PRR14: variants seen among roughly 807,000 people sequenced by gnomAD.
PRR14 encodes proline-rich protein 14.
A neutral mutation model predicts 57.2 loss-of-function variants in PRR14; 33 were observed. The ratio of observed to expected loss-of-function variants is 0.58; its 90% CI spans 0.44 to 0.77. The LOEUF is 0.77. PRR14 is among the 30% of genes least tolerant of loss of function. PRR14 has a pLI of 0.00. For synonymous variants in PRR14, 303 were observed against 314.7 expected, an observed-to-expected ratio of 0.96 and a Z score of 0.39; for missense variants, 716 against 788.1, an observed-to-expected ratio of 0.91 and a Z score of 1.10.
Position 30,655,016 on chromosome 16 carries a change from C to G in PRR14, c.1046C>G (p.Pro349Arg). The change falls in exon 8 of 12, where the codon CCT becomes CGT. Residue 349 changes from proline to arginine, a missense_variant. Physicochemically the swap from Pro to Arg is moderately radical, Grantham distance 103. Coordinates refer to ENST00000300835, the MANE Select transcript of PRR14 (RefSeq NM_024031.5). The surrounding 1 kb of genome is among the most constrained non-coding windows in gnomAD (Gnocchi z 4.6). ...GGCCCAGGTACCTGCACCTGGCCAC[C>G]TGCTCCACCCCAACCAAGCCGACCA... ...PPGPGTCTWP[P>R]APPQPSRPRP... 1 of 1,610,400 alleles carries G rather than the reference C, an allele frequency of 6.2e-7. No homozygotes were observed.
intron 6 of PRR14, 100 bp downstream of exon 6, chr16:30,653,508 C>T: frequency 7.9e-7 from 1 of 1,262,202 alleles, no homozygotes; most frequent in Non-Finnish European, 1.2e-6. Context: ...CCAATCCTTC[C>T]TTGTGGCATC....
chr16:30,653,248 A>G lies in PRR14; in HGVS notation c.505-117A>G, dbSNP rs1047052176. 9 of 1,395,862 alleles carry G rather than the reference A, an allele frequency of 6.4e-6. No homozygotes were observed. The Admixed American group carries it at 7.2e-5, about 11-fold the overall frequency. 86.5% of individuals were successfully genotyped at this position (1,395,862 alleles called of 1,614,324 possible). A position where few individuals can be genotyped will look rare whatever the true frequency, so the allele number is the denominator to read the frequency against. ...GGCAGACACTGCCTGAGCAAAGACTATATAAAAACGTCTTTGGCGTGAACC... is the reference window on the plus strand; with the variant it reads ...GGCAGACACTGCCTGAGCAAAGACTGTATAAAAACGTCTTTGGCGTGAACC... On this transcript the variant is annotated intron_variant, in intron 5 of 11. Coordinates refer to ENST00000300835, the MANE Select transcript of PRR14 (RefSeq NM_024031.5).
At position 30,653,123 on chromosome 16, in the gene PRR14, G is replaced by A. The variant is rs766751318; in HGVS notation, c.504+20G>A. The A allele has an allele frequency of 3.2e-5, 50 of 1,574,090 alleles. No individual in the cohort carries two copies. The highest frequency in any genetic ancestry group is 1.2e-4 in the South Asian group (10 of 86,376). The stretch of plus-strand genomic sequence containing the variant: ...GCTGAGGTATGGGAACTGAGGGTAC[G>A]GATGTCAAGGGTTCTGCTGGGTTCC... On this transcript the variant is annotated intron_variant, in intron 5 of 11. Transcript: ENST00000300835.
At position 30,651,524 on chromosome 16, in the gene PRR14, A is replaced by G; in HGVS notation, c.-50-72A>G. On this transcript the variant is annotated intron_variant, in intron 1 of 11. Coordinates refer to ENST00000300835, the MANE Select transcript of PRR14 (RefSeq NM_024031.5). The surrounding 1 kb of genome is among the most constrained non-coding windows in gnomAD (Gnocchi z 5.0). ...CTGGGCTACGGGGAGCCGCGGGCGGACCATGAAGGGCGGAGCCCCAGGGAA... is the reference window on the plus strand; with the variant it reads ...CTGGGCTACGGGGAGCCGCGGGCGGGCCATGAAGGGCGGAGCCCCAGGGAA... The G allele has an allele frequency of 1.5e-6, 1 of 654,270 alleles. No individual in the cohort carries two copies. The highest frequency in any genetic ancestry group is 2.4e-6 in the Non-Finnish European group (1 of 416,658). 40.5% of individuals were successfully genotyped at this position (654,270 alleles called of 1,614,324 possible).
Position 30,651,607 on chromosome 16 carries a change from G to T in PRR14, c.-39G>T. 2 of 1,536,056 alleles carry T rather than the reference G, an allele frequency of 1.3e-6. No individual in the cohort carries two copies. Among genetic ancestry groups the T allele is most frequent in the East Asian group, 2.5e-5 (1 of 40,308 alleles). The stretch of plus-strand genomic sequence containing the variant: ...CCCCCTTACCCCAGGCCGCAGCCTG[G>T]GATTCCCCAGGGACCCCCCCGGAGC... On this transcript the variant is annotated 5_prime_UTR_variant, in exon 2 of 12. Transcript: ENST00000300835. This position sits in a 1 kb window ranked among gnomAD's most constrained non-coding sequence, Gnocchi z 5.0.
chr16:30,651,973 C>G lies in PRR14; in HGVS notation c.192+9C>G. On this transcript the variant is annotated intron_variant, in intron 3 of 11. Transcript: ENST00000300835. This position sits in a 1 kb window ranked among gnomAD's most constrained non-coding sequence, Gnocchi z 5.0. ...TCATGGCTGTTCACATGGTGAGCCC[C>G]CTGAACCAAGAGACTCTCTATTCCC... The G allele has an allele frequency of 6.6e-7, 1 of 1,524,584 alleles. No homozygotes were observed. The highest frequency in any genetic ancestry group is 8.8e-7 in the Non-Finnish European group (1 of 1,139,042). The allele number at this position is 1,524,584 out of a possible 1,614,324, so 94.4% of individuals were successfully genotyped here. A position where few individuals can be genotyped will look rare whatever the true frequency, so the allele number is the denominator to read the frequency against.
Position 30,654,792 on chromosome 16 carries a change from A to ACCCCCCCC in PRR14, c.827_828insCCCCCCCC (p.Ser277ProfsTer7). On this transcript the variant is annotated frameshift_variant, in exon 8 of 12. Coordinates refer to ENST00000300835, the MANE Select transcript of PRR14 (RefSeq NM_024031.5). LOFTEE classifies it high-confidence loss of function. ...CGCCCAACAAAACCCCACAGCCCCC[A>ACCCCCCCC]CCCCCGTCCCCCCCAATGAAGCTGG... The ACCCCCCCC allele has an allele frequency of 2.2e-6, 1 of 462,456 alleles. No homozygotes were observed. 28.6% of individuals were successfully genotyped at this position (462,456 alleles called of 1,614,324 possible).
chr16:30,651,552 G>T lies in PRR14; in HGVS notation c.-50-44G>T. On this transcript the variant is annotated intron_variant, in intron 1 of 11. Coordinates refer to ENST00000300835, the MANE Select transcript of PRR14 (RefSeq NM_024031.5). The surrounding 1 kb of genome is among the most constrained non-coding windows in gnomAD (Gnocchi z 5.0). ...ATGAAGGGCGGAGCCCCAGGGAAGG[G>T]GCCGGCCCTCACCCCCCGCTCCCCC... The T allele has an allele frequency of 1.2e-6, 1 of 826,376 alleles. No homozygotes were observed. Among genetic ancestry groups the T allele is most frequent in the South Asian group, 1.8e-5 (1 of 55,764 alleles). The allele number at this position is 826,376 out of a possible 1,614,324, so 51.2% of individuals were successfully genotyped here.
Position 30,655,680 on chromosome 16 carries a change from G to C in PRR14, c.1406+87G>C. On this transcript the variant is annotated intron_variant, in intron 10 of 11. Coordinates refer to ENST00000300835, the MANE Select transcript of PRR14 (RefSeq NM_024031.5). This position sits in a 1 kb window ranked among gnomAD's most constrained non-coding sequence, Gnocchi z 4.6. ...AAGTATAGCTTTGTCTCCCCTCAGG[G>C]AGCACAGTCCAGCCTGAAAGATTCA... is the stretch of plus-strand genomic sequence containing the variant. 1.4e-6 allele frequency: 2 copies of C among 1,386,898 alleles called. No homozygotes were observed. The highest frequency in any genetic ancestry group is 1.8e-5 in the Admixed American group (1 of 55,930). The allele number at this position is 1,386,898 out of a possible 1,614,324, so 85.9% of individuals were successfully genotyped here. A position where few individuals can be genotyped will look rare whatever the true frequency, so the allele number is the denominator to read the frequency against.
chr16:30,651,714 G>A lies in PRR14; in HGVS notation c.23+46G>A. The A allele has an allele frequency of 6.2e-7, 1 of 1,612,250 alleles. No individual in the cohort carries two copies. Among genetic ancestry groups the A allele is most frequent in the Non-Finnish European group, 8.5e-7 (1 of 1,179,676 alleles). Reference sequence around the variant, plus strand: ...CCCGCCTGTCTTGACCCCGGGAGATGGGGATCCTGGCGACCGTGCCGGGAA... The same window carrying A: ...CCCGCCTGTCTTGACCCCGGGAGATAGGGATCCTGGCGACCGTGCCGGGAA... On this transcript the variant is annotated intron_variant, in intron 2 of 11. Coordinates refer to ENST00000300835, the MANE Select transcript of PRR14 (RefSeq NM_024031.5). This position sits in a 1 kb window ranked among gnomAD's most constrained non-coding sequence, Gnocchi z 5.0.
Position 30,655,389 on chromosome 16 carries a change from A to C in PRR14, c.1283A>C (p.Lys428Thr), listed in dbSNP as rs765397547. Residue 428 changes from lysine (K) to threonine (T), a missense_variant, in exon 9 of 12, where the codon AAG becomes ACG. Physicochemically the swap from Lys to Thr is moderately conservative, Grantham distance 78. Transcript: ENST00000300835. This position sits in a 1 kb window ranked among gnomAD's most constrained non-coding sequence, Gnocchi z 4.6. ...AAAGGGAAGGAGCCAAGAGCCTCAA[A>C]GGACCAGGTGCTTTCAGAACCTGAG... The part of the protein sequence containing the change: ...STKGKEPRAS[K>T]DQVLSEPETK... 3 of 1,614,114 alleles carry C rather than the reference A, an allele frequency of 1.9e-6. No individual in the cohort carries two copies. Among genetic ancestry groups the C allele is most frequent in the Non-Finnish European group, 2.5e-6 (3 of 1,180,036 alleles).
At position 30,655,132 on chromosome 16, in the gene PRR14, G is replaced by C; in HGVS notation, c.1162G>C (p.Gly388Arg). Residue 388 changes from glycine (G) to arginine (R), a missense_variant, in exon 8 of 12, where the codon GGA (glycine) becomes CGA (arginine). Gly to Arg is a moderately radical substitution (Grantham distance 125). Coordinates refer to ENST00000300835, the MANE Select transcript of PRR14 (RefSeq NM_024031.5). This position sits in a 1 kb window ranked among gnomAD's most constrained non-coding sequence, Gnocchi z 4.6. ...TCTCCGGAAAGAGGTCTTCCCTCTCGGAGGAGTGGGAGCCTCCCCTTCTCT... is the reference window on the plus strand; with the variant it reads ...TCTCCGGAAAGAGGTCTTCCCTCTCCGAGGAGTGGGAGCCTCCCCTTCTCT... ...PCLRKEVFPL[G>R]GVGASPSLTT... 4 of 1,610,634 alleles carry C rather than the reference G, an allele frequency of 2.5e-6. No individual in the cohort carries two copies. In the East Asian group the frequency reaches 6.7e-5, roughly 27 times the overall value.
chr16:30,653,298 G>C, intron 5 of PRR14, 67 bp from the exon 6 acceptor site: 21 of 1,543,590 alleles, frequency 1.4e-5, no homozygotes, highest in Non-Finnish European at 1.9e-5. Context: ...GGAACTGAAA[G>C]AGTCAGGATG....
intron 4 of PRR14, 23 bp from the exon 5 acceptor site, chr16:30,652,891 T>A: frequency 6.2e-7 from 1 of 1,614,004 alleles, no homozygotes; most frequent in Non-Finnish European, 8.5e-7. Context: ...TGAGCCATTT[T>A]AATCTTCCTG....
At chr16:30,653,254 A>G in intron 5 of PRR14, 111 bp from the exon 6 acceptor site, 1 of 1,416,058 alleles carries the variant, frequency 7.1e-7, no homozygotes, top group Non-Finnish European at 9.9e-7. Flanking sequence ...GACTATATAA[A>G]AACGTCTTTG....
rs748710800 is a variant in PRR14 at position 30,651,963 on chromosome 16, T to G, written c.191T>G (p.Met64Arg). ...VVLEDVMAVHMVPVVPSKQTS... is the reference protein window; with the variant it reads ...VVLEDVMAVHRVPVVPSKQTS... ...CTAGAAGATGTCATGGCTGTTCACA[T>G]GGTGAGCCCCCTGAACCAAGAGACT... The change falls in exon 3 of 12, where the codon ATG becomes AGG. Residue 64 changes from methionine to arginine, a missense_variant and splice_region_variant. Transcript: ENST00000300835. This position sits in a 1 kb window ranked among gnomAD's most constrained non-coding sequence, Gnocchi z 5.0. 2 of 1,528,560 alleles carry G rather than the reference T, an allele frequency of 1.3e-6. No individual in the cohort carries two copies. Among genetic ancestry groups the G allele is most frequent in the East Asian group, 2.3e-5 (1 of 44,232 alleles). 94.7% of individuals were successfully genotyped at this position (1,528,560 alleles called of 1,614,324 possible).
At chr16:30,652,396 T>G in intron 3 of PRR14, 1 of 566,888 alleles carries the variant, frequency 1.8e-6, no homozygotes, top group Non-Finnish European at 3.3e-6. Context: ...CCAGCCTCCT[T>G]AGGAAGCAGG....
chr16:30,653,544 C>CG, intron 6 of PRR14, 136 bp downstream of exon 6: 1 of 897,498 alleles, frequency 1.1e-6, no homozygotes, highest in Non-Finnish European at 1.8e-6. Context: ...GGGCCGGGCA[C>CG]GCCCATGCCT....
Position 30,655,809 on chromosome 16 carries a change from T to C in PRR14, c.1407-59T>C. ...ACTGAAATACAGACCAGGCCTTACCTGTCCCTTCAGGCCCCACTGGCCCAA... is the reference window on the plus strand; with the variant it reads ...ACTGAAATACAGACCAGGCCTTACCCGTCCCTTCAGGCCCCACTGGCCCAA... On this transcript the variant is annotated intron_variant, in intron 10 of 11. Coordinates refer to ENST00000300835, the MANE Select transcript of PRR14 (RefSeq NM_024031.5). The surrounding 1 kb of genome is among the most constrained non-coding windows in gnomAD (Gnocchi z 4.6). 1 of 1,562,216 alleles carries C rather than the reference T, an allele frequency of 6.4e-7. No homozygotes were observed.
Sources: allele counts gnomAD v4.1 joint callset, GRCh38; gene constraint gnomAD v4.1.1; non-coding constraint Gnocchi (gnomAD v3.1); transcripts MANE v1.5; gene names NCBI Gene and HGNC (gene_info 2026-07-23, HGNC 2026-07-21).